Variants in HIVEP3 observed in about 807,000 individuals in gnomAD.
HIVEP3 encodes HIVEP zinc finger 3, also known as transcription factor HIVEP3.
Under a neutral mutation model 152.8 loss-of-function variants are expected in HIVEP3, and 49 were observed. The ratio of observed to expected loss-of-function variants is 0.32; its 90% CI spans 0.26 to 0.41. The LOEUF is 0.41. Ranked by LOEUF, HIVEP3 falls within the 10% of genes least tolerant of loss-of-function variation. HIVEP3 has a pLI of 1.00. For missense variants in HIVEP3, 2,790 were observed against 3,103.3 expected (o/e 0.90, Z 2.40); for synonymous variants, 1,269 against 1,289.0 (o/e 0.98, Z 0.33).
intron 5 of HIVEP3, among the ~76,000 whole-genome samples, chr1:41,555,973 T>C (rs1168576940): frequency 7.2e-5 from 11 of 152,212 alleles, no homozygotes; most frequent in Non-Finnish European, 5.9e-5. Flanking sequence ...TGTCCTTCCA[T>C]GTTAAGGTTG....
intron 3 of HIVEP3, among the ~76,000 whole-genome samples, chr1:41,591,492 T>C (rs1323129043): frequency 1.3e-5 from 2 of 151,994 alleles, no homozygotes; most frequent in East Asian, 3.9e-4. Context: ...TGGGATACTT[T>C]TCAGATTGAA....
intron 1 of HIVEP3, among the ~76,000 whole-genome samples, chr1:41,784,490 T>C (rs555385208): frequency 2.5e-4 from 38 of 152,302 alleles, no homozygotes; most frequent in African/African-American, 8.9e-4. Context: ...CTGGACAGCA[T>C]TGCTCCAGAG....
At chr1:41,737,508 G>C (rs1315945162) in intron 1 of HIVEP3, among the ~76,000 whole-genome samples, 1 of 152,180 alleles carries the variant, frequency 6.6e-6, no homozygotes, top group Admixed American at 6.5e-5. Context: ...CTGTCATTGG[G>C]TTTAGTGTCC....
At chr1:41,844,115 G>A (rs1468655226) in intron 1 of HIVEP3, among the ~76,000 whole-genome samples, 1 of 152,194 alleles carries the variant, frequency 6.6e-6, no homozygotes, top group African/African-American at 2.4e-5. Context: ...ACTGAGGATA[G>A]TAAAGAGGGG....
intron 1 of HIVEP3, among the ~76,000 whole-genome samples, chr1:41,757,695 GTATTTATT>G (rs56130199): frequency 1.4e-4 from 21 of 145,150 alleles, no homozygotes; most frequent in African/African-American, 4.5e-4. Flanking sequence ...TTTCTACTTT[GTATTTATT>G]TATTTATTTA....
At chr1:41,891,845 G>A (rs530944506) in intron 1 of HIVEP3, among the ~76,000 whole-genome samples, 1 of 152,308 alleles carries the variant, frequency 6.6e-6, no homozygotes, top group South Asian at 2.1e-4. Context: ...TGATTTCATT[G>A]CTTGTGAAAA....
intron 1 of HIVEP3, among the ~76,000 whole-genome samples, chr1:41,994,994 T>C (rs576538853): frequency 1.3e-5 from 2 of 151,166 alleles, no homozygotes; most frequent in African/African-American, 4.9e-5. Context: ...AGACAGACAG[T>C]AACAAAAAAT....
chr1:41,884,423 G>A (rs1278233363), intron 1 of HIVEP3, among the ~76,000 whole-genome samples: 4 of 152,178 alleles, frequency 2.6e-5, no homozygotes, highest in African/African-American at 4.8e-5. Context: ...AGGCATTCCC[G>A]AAATGCCATC....
At chr1:41,879,727 C>T (rs1281472130) in intron 1 of HIVEP3, among the ~76,000 whole-genome samples, 1 of 152,160 alleles carries the variant, frequency 6.6e-6, no homozygotes, top group East Asian at 1.9e-4. Flanking sequence ...ATTTTAAGTA[C>T]CTCTGACTTA....
At chr1:41,590,547 GGACAAGAA>G (rs755009796) in intron 3 of HIVEP3, among the ~76,000 whole-genome samples, 4 of 152,218 alleles carry the variant, frequency 2.6e-5, no homozygotes, top group Non-Finnish European at 5.9e-5. Flanking sequence ...AGGAACAGTG[GGACAAGAA>G]GACAAGAAGA....
At position 41,570,368 on chromosome 1, in the gene HIVEP3, T is replaced by C. The variant is rs55778041; in HGVS notation, c.5207+5176A>G. Among the ~76,000 whole-genome samples, 864 of 152,304 alleles carry C rather than the reference T, an allele frequency of 5.7e-3. 7 individuals carry two copies. The highest frequency in any genetic ancestry group is 0.017 in the African/African-American group (721 of 41,558). On this transcript the variant is annotated intron_variant, in intron 5 of 8. Transcript: ENST00000372583. ...GAGACCAGGTGGAGGAATTGAATCA[T>C]GGGGGCAGTTTCCCCTATACCATTC... is the stretch of plus-strand genomic sequence containing the variant.
intron 5 of HIVEP3, among the ~76,000 whole-genome samples, chr1:41,558,347 G>C (rs993278204): frequency 1.3e-5 from 2 of 152,314 alleles, no homozygotes; most frequent in South Asian, 4.1e-4. Flanking sequence ...GTGTCTCATG[G>C]TTAGACTAGC....
intron 1 of HIVEP3, among the ~76,000 whole-genome samples, chr1:41,961,112 C>T (rs1395190834): frequency 6.6e-6 from 1 of 152,202 alleles, no homozygotes; most frequent in African/African-American, 2.4e-5. Flanking sequence ...GTGCCAAGTT[C>T]TAACATTCCT....
intron 1 of HIVEP3, among the ~76,000 whole-genome samples, chr1:42,012,558 C>G (rs1422198136): frequency 2.0e-5 from 3 of 152,112 alleles, no homozygotes; most frequent in Admixed American, 2.0e-4. Flanking sequence ...GGTGTGGTGG[C>G]AGGCACCTGT....
At chr1:41,541,950 T>C (rs1015760103) in intron 5 of HIVEP3, 2 of 152,272 alleles carry the variant, frequency 1.3e-5, no homozygotes, top group Non-Finnish European at 2.9e-5. Flanking sequence ...TAATAGCATA[T>C]GCTCCAAGAG....
intron 7 of HIVEP3, among the ~76,000 whole-genome samples, chr1:41,515,147 TG>T (rs1251964589): frequency 1.3e-5 from 2 of 152,232 alleles, no homozygotes; most frequent in Non-Finnish European, 2.9e-5. Flanking sequence ...ATATCAGTAC[TG>T]CACCCACCTG....
At position 41,755,485 on chromosome 1, in the gene HIVEP3, G is replaced by A. The variant is rs190389739; in HGVS notation, c.-800-54490C>T. On this transcript the variant is annotated intron_variant, in intron 1 of 8. Coordinates refer to ENST00000372583, the MANE Select transcript of HIVEP3 (RefSeq NM_024503.5). ...TTTCATCAAAATTAAAAACTGCTTC[G>A]CATAAGACCCTGTTAAGAGAATGAA... is the stretch of plus-strand genomic sequence containing the variant. 1.7e-3 allele frequency among the ~76,000 whole-genome samples: 264 copies of A among 152,016 alleles called. 1 individual carries two copies. Among genetic ancestry groups the A allele is most frequent in the Admixed American group, 3.6e-3 (55 of 15,278 alleles).
intron 3 of HIVEP3, among the ~76,000 whole-genome samples, chr1:41,608,141 C>T (rs1004407887): frequency 3.3e-5 from 5 of 152,160 alleles, no homozygotes; most frequent in African/African-American, 4.8e-5. Flanking sequence ...TGAGGTGTCT[C>T]GTCTATTTCT....
intron 1 of HIVEP3, among the ~76,000 whole-genome samples, chr1:41,760,524 T>C (rs1647601307): frequency 6.6e-6 from 1 of 152,206 alleles, no homozygotes; most frequent in Non-Finnish European, 1.5e-5. Context: ...TTGACTTGAG[T>C]GTAGACTCTG....
Sources: allele counts gnomAD v4.1 joint callset (sites outside exome capture counted in the v4.1 genomes callset), GRCh38; gene constraint gnomAD v4.1.1; transcripts MANE v1.5; gene names NCBI Gene and HGNC (gene_info 2026-07-23, HGNC 2026-07-21).